TNKS: variants seen among roughly 807,000 people sequenced by gnomAD.
TNKS encodes poly [ADP-ribose] polymerase tankyrase-1.
TNKS carries 72 observed loss-of-function variants against 135.8 expected under a neutral mutation model. The observed-to-expected ratio is 0.53, with a 90% confidence interval of 0.44 to 0.64. The LOEUF is 0.64. TNKS is among the 30% of genes least tolerant of loss of function. The probability of loss-of-function intolerance (pLI) is 0.00; values close to 1 mark genes in which losing one functional copy is unlikely to be tolerated. For synonymous variants in TNKS, 849 were observed against 649.3 expected, an observed-to-expected ratio of 1.31 and a Z score of -4.68; for missense variants, 1,769 against 1,674.0, an observed-to-expected ratio of 1.06 and a Z score of -0.99.
intron 3 of TNKS, among the ~76,000 whole-genome samples, chr8:9,660,509 C>G (rs1348663120): frequency 2.6e-5 from 4 of 152,156 alleles, no homozygotes; most frequent in Non-Finnish European, 2.9e-5. Flanking sequence ...TCAATAGATG[C>G]AGAAAAGGCC....
intron 12 of TNKS, among the ~76,000 whole-genome samples, chr8:9,721,298 T>TTATATA (rs60138689): frequency 9.3e-5 from 11 of 118,160 alleles, no homozygotes; most frequent in East Asian, 2.8e-4. Flanking sequence ...AATAAATAAA[T>TTATATA]TATATATATA....
At chr8:9,715,368 C>T (rs28491642) in intron 11 of TNKS, among the ~76,000 whole-genome samples, 6 of 40,516 alleles carry the variant, frequency 1.5e-4, no homozygotes, top group African/African-American at 2.8e-4. Context: ...GCAGGGGGGG[C>T]GGGTATGATC....
intron 3 of TNKS, among the ~76,000 whole-genome samples, chr8:9,644,482 A>T (rs1800840272): frequency 6.6e-6 from 1 of 152,176 alleles, no homozygotes; most frequent in South Asian, 2.1e-4. Context: ...TCATTGGTCA[A>T]ATATCTGAAA....
chr8:9,582,742 T>G (rs1309713945), intron 2 of TNKS, among the ~76,000 whole-genome samples: 1 of 152,228 alleles, frequency 6.6e-6, no homozygotes, highest in East Asian at 1.9e-4. Context: ...CAGTGTACAT[T>G]CAGTGAATAT....
intron 5 of TNKS, among the ~76,000 whole-genome samples, chr8:9,689,872 C>T (rs1563168987): frequency 6.6e-6 from 1 of 152,132 alleles, no homozygotes; most frequent in Non-Finnish European, 1.5e-5. Flanking sequence ...TTATTAAATG[C>T]CGATCAGTGC....
intron 26 of TNKS, chr8:9,772,240 C>A: frequency 2.7e-6 from 1 of 369,264 alleles, no homozygotes; most frequent in South Asian, 2.1e-5. Context: ...TTTCTTATTA[C>A]AGACTTACTT....
At chr8:9,642,292 G>T (rs549443627) in intron 3 of TNKS, among the ~76,000 whole-genome samples, 1 of 146,478 alleles carries the variant, frequency 6.8e-6, no homozygotes, top group African/African-American at 2.5e-5. Flanking sequence ...TGTAAAGAGA[G>T]AATAGTTTTT....
At chr8:9,694,125 G>A (rs1585337096) in intron 5 of TNKS, among the ~76,000 whole-genome samples, 2 of 152,306 alleles carry the variant, frequency 1.3e-5, no homozygotes, top group East Asian at 3.9e-4. Context: ...CTTAGGAAAT[G>A]CATCGAACAT....
intron 3 of TNKS, among the ~76,000 whole-genome samples, chr8:9,648,144 G>A (rs1040025907): frequency 6.6e-6 from 1 of 152,118 alleles, no homozygotes; most frequent in African/African-American, 2.4e-5. Context: ...GAATGCGAAG[G>A]CCTAGAGCAT....
At chr8:9,635,148 C>CG (rs1265801250) in intron 3 of TNKS, among the ~76,000 whole-genome samples, 1 of 146,798 alleles carries the variant, frequency 6.8e-6, no homozygotes, top group African/African-American at 2.5e-5. Context: ...CCAGCCTGGA[C>CG]GACAGAGCGA....
Position 9,708,799 on chromosome 8 carries a change from A to AT in TNKS, c.1578+316dup, listed in dbSNP as rs931904834. On this transcript the variant is annotated intron_variant, in intron 9 of 26. Coordinates refer to ENST00000310430, the MANE Select transcript of TNKS (RefSeq NM_003747.3). ...CTACAAGATATGATTTTTCAATAGA[A>AT]TTTTTTTTTCTTATGTTTGCTAGAT... Among the ~76,000 whole-genome samples, 3 of 151,472 alleles carry AT rather than the reference A, an allele frequency of 2.0e-5. No homozygotes were observed. In the East Asian group the frequency reaches 5.8e-4, roughly 29 times the overall value.
chr8:9,633,673 C>G (rs1448792453), intron 3 of TNKS, among the ~76,000 whole-genome samples: 2 of 152,170 alleles, frequency 1.3e-5, no homozygotes, highest in African/African-American at 2.4e-5. Context: ...TTATGTTGGG[C>G]TGTTTTTCTC....
At chr8:9,581,300 TA>T (rs1798155066) in intron 2 of TNKS, among the ~76,000 whole-genome samples, 1 of 152,230 alleles carries the variant, frequency 6.6e-6, no homozygotes, top group African/African-American at 2.4e-5. Context: ...ATGCCTGATA[TA>T]AAACTATTTT....
At position 9,556,147 on chromosome 8, in the gene TNKS, G is replaced by T. The variant is rs1815282465; in HGVS notation, c.208G>T (p.Gly70Cys). Residue 70 changes from glycine (G) to cysteine (C), a missense_variant, in exon 1 of 27, where the codon GGC becomes TGC. Coordinates refer to ENST00000310430, the MANE Select transcript of TNKS (RefSeq NM_003747.3). ...RHGLALPEGD[G>C]SRDPPDRPRS... The stretch of plus-strand genomic sequence containing the variant: ...CGGCCTAGCGCTGCCGGAGGGGGAT[G>T]GCAGTCGGGATCCGCCCGACAGGCC... 1 of 1,608,228 alleles carries T rather than the reference G, an allele frequency of 6.2e-7. No individual in the cohort carries two copies. Among genetic ancestry groups the T allele is most frequent in the East Asian group, 2.2e-5 (1 of 44,768 alleles).
chr8:9,752,311 CATA>C (rs1386744697), intron 19 of TNKS, among the ~76,000 whole-genome samples: 3 of 151,542 alleles, frequency 2.0e-5, no homozygotes, highest in Non-Finnish European at 4.4e-5. Flanking sequence ...ATATTCTAAC[CATA>C]ATATTAGAAT....
chr8:9,596,290 A>G (rs557686965), intron 2 of TNKS, among the ~76,000 whole-genome samples: 1 of 152,158 alleles, frequency 6.6e-6, no homozygotes. Flanking sequence ...ATATTATTAG[A>G]AGTATGGCTT....
At chr8:9,752,660 A>C (rs984380349) in intron 20 of TNKS, 34 bp downstream of exon 20, 2 of 1,407,756 alleles carry the variant, frequency 1.4e-6, no homozygotes, top group African/African-American at 1.4e-5. Flanking sequence ...AGTCATTTAA[A>C]TTAAATACTA....
intron 3 of TNKS, 151 bp from the exon 4 acceptor site, chr8:9,679,800 C>T (rs1458846831): frequency 3.5e-6 from 2 of 572,848 alleles, no homozygotes; most frequent in South Asian, 2.5e-5. Context: ...GCTGCCTTCA[C>T]AAGCTGGCTA....
intron 2 of TNKS, among the ~76,000 whole-genome samples, chr8:9,601,419 T>G (rs1207955777): frequency 1.3e-5 from 2 of 152,212 alleles, no homozygotes; most frequent in Non-Finnish European, 2.9e-5. Flanking sequence ...CCATCATCAT[T>G]GTTTGTATTG....
Sources: gnomAD v4.1 joint callset for allele counts (sites outside exome capture counted in the v4.1 genomes callset) on GRCh38, gnomAD v4.1.1 for gene constraint, MANE v1.5 for transcripts, NCBI Gene and HGNC (gene_info 2026-07-23, HGNC 2026-07-21) for gene names.